Variants in DTWD2 observed in about 807,000 individuals in gnomAD.
DTWD2 encodes DTW motif tRNA-uridine aminocarboxypropyltransferase 2, also known as tRNA-uridine aminocarboxypropyltransferase 2.
Under a neutral mutation model 31.8 loss-of-function variants are expected in DTWD2, and 39 were observed. The ratio of observed to expected loss-of-function variants is 1.22; its 90% CI spans 0.95 to 1.60. DTWD2 has a LOEUF of 1.60. Ranked by LOEUF, DTWD2 falls within the 40% of genes most tolerant of loss-of-function variation. The pLI, the probability that DTWD2 is intolerant of heterozygous loss-of-function variation, is 0.00. For missense variants in DTWD2, 515 were observed against 381.5 expected (o/e 1.35, Z -2.92); for synonymous variants, 180 against 142.8 (o/e 1.26, Z -1.86).
chr5:118,915,177 A>G lies in DTWD2; in HGVS notation c.597+13360T>C, dbSNP rs562859044. 2.1e-4 allele frequency among the ~76,000 whole-genome samples: 32 copies of G among 152,196 alleles called. 1 individual carries two copies. Among genetic ancestry groups the G allele is most frequent in the African/African-American group, 7.5e-4 (31 of 41,546 alleles). ...GGTTGCAGTGACCCAAGACAGGGCT[A>G]CTGCACTCCACCTGGGCAACACAGT... On this transcript the variant is annotated intron_variant, in intron 4 of 5. Coordinates refer to ENST00000510708, the MANE Select transcript of DTWD2 (RefSeq NM_173666.4).
intron 1 of DTWD2, among the ~76,000 whole-genome samples, chr5:118,972,902 T>A (rs1422806589): frequency 2.0e-5 from 3 of 152,178 alleles, no homozygotes; most frequent in African/African-American, 7.2e-5. Context: ...TGCTTTTGAA[T>A]CTGGGTGCCC....
At chr5:118,956,245 C>A (rs1271704322) in intron 1 of DTWD2, among the ~76,000 whole-genome samples, 1 of 152,198 alleles carries the variant, frequency 6.6e-6, no homozygotes, top group African/African-American at 2.4e-5. Flanking sequence ...AATGTATTTA[C>A]AATGTATTTT....
chr5:118,960,041 T>C (rs1754672920), intron 1 of DTWD2, among the ~76,000 whole-genome samples: 1 of 152,164 alleles, frequency 6.6e-6, no homozygotes, highest in African/African-American at 2.4e-5. Context: ...TGGCAAAGAA[T>C]TTATGATGAA....
intron 4 of DTWD2, among the ~76,000 whole-genome samples, chr5:118,854,105 T>C (rs1050974672): frequency 1.3e-5 from 2 of 152,188 alleles, no homozygotes; most frequent in Non-Finnish European, 2.9e-5. Flanking sequence ...GGTAGCTCAC[T>C]TACAGCATAC....
intron 1 of DTWD2, among the ~76,000 whole-genome samples, chr5:118,986,519 GT>G (rs1349694302): frequency 6.6e-6 from 1 of 152,146 alleles, no homozygotes; most frequent in East Asian, 1.9e-4. Flanking sequence ...TACAGTTTAA[GT>G]AAATAGCCAA....
chr5:118,864,702 AC>A (rs1425639065), intron 4 of DTWD2, among the ~76,000 whole-genome samples: 1 of 151,006 alleles, frequency 6.6e-6, no homozygotes, highest in Non-Finnish European at 1.5e-5. Flanking sequence ...ATGTGTGTGT[AC>A]TTAAAATACT....
chr5:118,878,094 T>C (rs1333913196), intron 4 of DTWD2, among the ~76,000 whole-genome samples: 1 of 152,120 alleles, frequency 6.6e-6, no homozygotes, highest in African/African-American at 2.4e-5. Flanking sequence ...CCCAAAGTAA[T>C]TTATACATTC....
At chr5:118,891,293 A>G (rs1418560185) in intron 4 of DTWD2, among the ~76,000 whole-genome samples, 1 of 152,012 alleles carries the variant, frequency 6.6e-6, no homozygotes, top group African/African-American at 2.4e-5. Context: ...AATCCACATC[A>G]CTCATAAACA....
At chr5:118,885,719 T>C (rs1215630193) in intron 4 of DTWD2, among the ~76,000 whole-genome samples, 1 of 150,216 alleles carries the variant, frequency 6.7e-6, no homozygotes, top group Non-Finnish European at 1.5e-5. Flanking sequence ...TGAGCCAAAA[T>C]TGTGCCATTG....
At chr5:118,876,258 G>T (rs942406758) in intron 4 of DTWD2, among the ~76,000 whole-genome samples, 5 of 152,214 alleles carry the variant, frequency 3.3e-5, no homozygotes, top group Admixed American at 1.3e-4. Context: ...AAGTTACAAA[G>T]ATCTCAAATT....
chr5:118,977,786 C>T (rs1249809910), intron 1 of DTWD2, among the ~76,000 whole-genome samples: 2 of 152,052 alleles, frequency 1.3e-5, no homozygotes, highest in African/African-American at 4.8e-5. Context: ...CAATGCTATT[C>T]CAATTAAACT....
intron 2 of DTWD2, among the ~76,000 whole-genome samples, chr5:118,940,563 C>T (rs922290539): frequency 2.6e-5 from 4 of 152,016 alleles, no homozygotes; most frequent in African/African-American, 7.3e-5. Context: ...CTTGATTTAT[C>T]GATTTTAGAT....
chr5:118,902,728 T>TA (rs1237843667), intron 4 of DTWD2, among the ~76,000 whole-genome samples: 1 of 152,124 alleles, frequency 6.6e-6, no homozygotes, highest in Non-Finnish European at 1.5e-5. Context: ...GTGTTCTTAA[T>TA]AACTACTGGA....
chr5:118,932,145 G>T (rs564746586), intron 3 of DTWD2, among the ~76,000 whole-genome samples: 1 of 152,026 alleles, frequency 6.6e-6, no homozygotes, highest in East Asian at 1.9e-4. Flanking sequence ...AAAATCAACA[G>T]TCTGAGCTTC....
rs550650541 is a variant in DTWD2 at position 118,843,245 on chromosome 5, G to A, written c.727-2158C>T. On this transcript the variant is annotated intron_variant, in intron 5 of 5. Coordinates refer to ENST00000510708, the MANE Select transcript of DTWD2 (RefSeq NM_173666.4). Reference sequence around the variant, plus strand: ...GCTGGGATTACAGGTGTGAGCCACCGCATCCGGCCCAGAATAGAAATGAAA... The same window carrying A: ...GCTGGGATTACAGGTGTGAGCCACCACATCCGGCCCAGAATAGAAATGAAA... 5.1e-3 allele frequency among the ~76,000 whole-genome samples: 766 copies of A among 151,318 alleles called. 10 individuals carry two copies. Among genetic ancestry groups the A allele is most frequent in the Non-Finnish European group, 6.3e-3 (426 of 67,830 alleles).
intron 2 of DTWD2, among the ~76,000 whole-genome samples, chr5:118,943,505 C>T (rs951850587): frequency 1.1e-4 from 17 of 149,698 alleles, no homozygotes; most frequent in African/African-American, 2.7e-4. Context: ...GAGCTGAGAT[C>T]GCGCCACTGC....
At chr5:118,880,827 T>C (rs1410444719) in intron 4 of DTWD2, among the ~76,000 whole-genome samples, 1 of 152,222 alleles carries the variant, frequency 6.6e-6, no homozygotes, top group Non-Finnish European at 1.5e-5. Context: ...TTAAGCTCTT[T>C]AGTTTGAAGA....
intron 1 of DTWD2, among the ~76,000 whole-genome samples, chr5:118,957,320 C>A (rs1311573683): frequency 1.3e-5 from 2 of 151,896 alleles, no homozygotes; most frequent in Non-Finnish European, 2.9e-5. Context: ...ATCCCGGGTA[C>A]AAGCAATTCT....
chr5:118,923,937 G>A (rs938984259), intron 4 of DTWD2, among the ~76,000 whole-genome samples: 1 of 152,172 alleles, frequency 6.6e-6, no homozygotes, highest in African/African-American at 2.4e-5. Flanking sequence ...CTTCGGAAGG[G>A]CATAAAAAAT....
Sources: gnomAD v4.1 joint callset for allele counts (sites outside exome capture counted in the v4.1 genomes callset) on GRCh38, gnomAD v4.1.1 for gene constraint, MANE v1.5 for transcripts, NCBI Gene and HGNC (gene_info 2026-07-23, HGNC 2026-07-21) for gene names.